The following CYP1A1 variants were observed in gnomAD, a reference collection of about 807,000 sequenced individuals.
CYP1A1 encodes the protein cytochrome P450 1A1.
Under a neutral mutation model 33.6 loss-of-function variants are expected in CYP1A1, and 43 were observed. That is an observed-to-expected ratio of 1.28 (90% confidence interval 1.00 to 1.65). The LOEUF (loss-of-function observed/expected upper bound fraction) is 1.65. Ranked by LOEUF, CYP1A1 falls within the 40% of genes most tolerant of loss-of-function variation. The pLI, the probability that CYP1A1 is intolerant of heterozygous loss-of-function variation, is 0.00. For synonymous variants in CYP1A1, 280 were observed against 257.8 expected (o/e 1.09, Z -0.83); for missense variants, 637 against 653.7 (o/e 0.97, Z 0.28).
intron 2 of CYP1A1, 187 bp from the exon 3 acceptor site, chr15:74,721,904 C>T (rs1203467883): frequency 2.9e-6 from 2 of 680,638 alleles, no homozygotes; most frequent in East Asian, 2.7e-5. Flanking sequence ...CTAGCCCCAA[C>T]TCATGGGACA....
Position 74,721,631 on chromosome 15 carries a change from A to G in CYP1A1, c.912T>C (p.Asp304=). 1 of 1,613,626 alleles carries G rather than the reference A, an allele frequency of 6.2e-7. No homozygotes were observed. The highest frequency in any genetic ancestry group is 8.5e-7 in the Non-Finnish European group (1 of 1,179,616). Residue 304 remains aspartate (D), a synonymous_variant, in exon 3 of 7, where the codon GAT becomes GAC. Transcript: ENST00000379727. ...LDENANVQLS[D]EKIINIVLDL... ...CCAAGACGATGTTAATGATCTTCTC[A>G]TCTGACAGCTGGACATTGGCGTTCT... is the stretch of plus-strand genomic sequence containing the variant.
Position 74,721,478 on chromosome 15 carries a change from G to C in CYP1A1, c.978C>G (p.Ile326Met). 6.2e-7 allele frequency: 1 copy of C among 1,614,202 alleles called. No individual in the cohort carries two copies. The highest frequency in any genetic ancestry group is 8.5e-7 in the Non-Finnish European group (1 of 1,180,032). The change falls in exon 4 of 7, where the codon ATC (isoleucine) becomes ATG (methionine). Residue 326 changes from isoleucine to methionine, a missense_variant. Coordinates refer to ENST00000379727, the MANE Select transcript of CYP1A1 (RefSeq NM_001319217.2). ...TCACCAAATACATGAGGCTCCAGGAGATAGCAGTTGTGACTGTGTCAAACC... is the reference window on the plus strand; with the variant it reads ...TCACCAAATACATGAGGCTCCAGGACATAGCAGTTGTGACTGTGTCAAACC... ...GAGFDTVTTA[I>M]SWSLMYLVMN... is the part of the protein sequence containing the mutation.
Position 74,722,752 on chromosome 15 carries a change from T to C in CYP1A1, c.346A>G (p.Ser116Gly). 6.2e-7 allele frequency: 1 copy of C among 1,613,606 alleles called. No homozygotes were observed. Among genetic ancestry groups the C allele is most frequent in the South Asian group, 1.1e-5 (1 of 91,072 alleles). The change falls in exon 2 of 7, where the codon AGT (serine) becomes GGT (glycine). Residue 116 changes from serine to glycine, a missense_variant. Ser to Gly is a moderately conservative substitution (Grantham distance 56). Transcript: ENST00000379727. ...CTGAAGGACATGCTCTGACCATTAC[T>C]GATGAGGGTGAAGGTGTAGAGGTCG... ...RPDLYTFTLI[S>G]NGQSMSFSPD...
intron 2 of CYP1A1, 100 bp from the exon 3 acceptor site, chr15:74,721,817 A>G: frequency 6.8e-7 from 1 of 1,470,868 alleles, no homozygotes; most frequent in Non-Finnish European, 9.2e-7. Flanking sequence ...TTTGTTCTGG[A>G]GGTGATGCCC....
chr15:74,725,207 G>A (rs1358582799), intron 1 of CYP1A1: 1 of 152,476 alleles, frequency 6.6e-6, no homozygotes, highest in Non-Finnish European at 1.5e-5. Flanking sequence ...TCCTGAATGA[G>A]ATGCCATCTG....
At chr15:74,725,108 C>T (rs929896661) in intron 1 of CYP1A1, 4 of 152,528 alleles carry the variant, frequency 2.6e-5, no homozygotes, top group Non-Finnish European at 4.4e-5. Context: ...TGCACATATT[C>T]CAGCCTGCCA....
intron 6 of CYP1A1, 83 bp downstream of exon 6, chr15:74,720,884 A>G: frequency 6.4e-7 from 1 of 1,564,552 alleles, no homozygotes; most frequent in East Asian, 2.2e-5. Context: ...CATGGACAGG[A>G]GGATCAATGC....
At chr15:74,720,857 A>T in intron 6 of CYP1A1, 83 bp from the exon 7 acceptor site, 1 of 1,565,796 alleles carries the variant, frequency 6.4e-7, no homozygotes, top group Non-Finnish European at 8.7e-7. Context: ...CAAAGGATAG[A>T]GGACAGGCAA....
rs1314957260 is a variant in CYP1A1 at position 74,721,613 on chromosome 15, G to A, written c.930C>T (p.Ile310=). The change falls in exon 3 of 7, where the codon ATC becomes ATT. Residue 310 remains isoleucine (I), a synonymous_variant. Transcript: ENST00000379727. ...VQLSDEKIIN[I]VLDLFGAGFD... is the part of the protein sequence containing the mutation. ...TACCAGCTCCAAAGAGGTCCAAGAC[G>A]ATGTTAATGATCTTCTCATCTGACA... 10 of 1,613,890 alleles carry A rather than the reference G, an allele frequency of 6.2e-6. No homozygotes were observed. In the Admixed American group the frequency reaches 1.2e-4, roughly 19 times the overall value.
rs750391986 is a variant in CYP1A1, at chr15:74,720,810, AG to A, written c.1254-37del. 3.8e-6 allele frequency: 6 copies of A among 1,585,932 alleles called. No individual in the cohort carries two copies. In the South Asian group the frequency reaches 5.9e-5, roughly 15 times the overall value. ...AGGGAGACAGCTGAAGTGGCAGTTC[AG>A]GGCTCAGAAGTGTCAAGTGAGTGGA... On this transcript the variant is annotated intron_variant, in intron 6 of 6. Transcript: ENST00000379727.
At chr15:74,721,894 C>T in intron 2 of CYP1A1, 177 bp from the exon 3 acceptor site, 1 of 716,824 alleles carries the variant, frequency 1.4e-6, no homozygotes, top group Non-Finnish European at 2.3e-6. Flanking sequence ...TAGAATGCTG[C>T]TAGCCCCAAC....
chr15:74,723,023 T>C lies in CYP1A1; in HGVS notation c.75A>G (p.Val25=), dbSNP rs548705429. ...ASVIFCLVFW[V]IRASRPQVPK... is the part of the protein sequence containing the mutation. ...GGACCTGAGGTCTTGAGGCCCTGAT[T>C]ACCCAGAATACCAGACAGAAGATGA... Residue 25 remains valine (V), a synonymous_variant, in exon 2 of 7, where the codon GTA becomes GTG. Transcript: ENST00000379727. The C allele has an allele frequency of 6.2e-6, 10 of 1,613,214 alleles. No individual in the cohort carries two copies. Among genetic ancestry groups the C allele is most frequent in the Non-Finnish European group, 8.5e-6 (10 of 1,179,500 alleles).
chr15:74,721,907 A>C, intron 2 of CYP1A1, 190 bp from the exon 3 acceptor site: 12 of 671,346 alleles, frequency 1.8e-5, no homozygotes, highest in Non-Finnish European at 2.7e-5. Flanking sequence ...GCCCCAACTC[A>C]TGGGACATTT....
chr15:74,719,982 T>C lies in CYP1A1; in HGVS notation c.*507A>G, dbSNP rs1402013486. Reference sequence around the variant, plus strand: ...TGTGTCCTAGACCCATAGGGTCAGATTGCTCAGCCTAGTTCAAGCAGTGAG... The same window carrying C: ...TGTGTCCTAGACCCATAGGGTCAGACTGCTCAGCCTAGTTCAAGCAGTGAG... On this transcript the variant is annotated 3_prime_UTR_variant, in exon 7 of 7. Coordinates refer to ENST00000379727, the MANE Select transcript of CYP1A1 (RefSeq NM_001319217.2). The C allele has an allele frequency of 6.6e-6, 1 of 152,602 alleles. No homozygotes were observed. The highest frequency in any genetic ancestry group is 2.4e-5 in the African/African-American group (1 of 41,472). The allele number at this position is 152,602 out of a possible 1,614,324, so 9.5% of individuals were successfully genotyped here.
rs755815189 is a variant in CYP1A1 at position 74,721,692 on chromosome 15, C to T, written c.851G>A (p.Ser284Asn). 28 of 1,613,984 alleles carry T rather than the reference C, an allele frequency of 1.7e-5. No individual in the cohort carries two copies. Among genetic ancestry groups the T allele is most frequent in the African/African-American group, 2.7e-5 (2 of 74,862 alleles). Residue 284 changes from serine (S) to asparagine (N), a missense_variant, in exon 3 of 7, where the codon AGC (serine) becomes AAC (asparagine). Coordinates refer to ENST00000379727, the MANE Select transcript of CYP1A1 (RefSeq NM_001319217.2). Reference protein sequence around the residue: ...EKGHIRDITDSLIEHCQEKQL... With the variant: ...EKGHIRDITDNLIEHCQEKQL... Reference sequence around the variant, plus strand: ...CTTCTCCTGACAGTGCTCAATCAGGCTGTCTGTGATGTCCCGGATGTGGCC... The same window carrying T: ...CTTCTCCTGACAGTGCTCAATCAGGTTGTCTGTGATGTCCCGGATGTGGCC...
Position 74,720,581 on chromosome 15 carries a change from G to T in CYP1A1, c.1447C>A (p.Pro483Thr), listed in dbSNP as rs45500996. The T allele has an allele frequency of 9.3e-6, 15 of 1,613,748 alleles. No homozygotes were observed. Among genetic ancestry groups the T allele is most frequent in the Non-Finnish European group, 1.3e-5 (15 of 1,179,816 alleles). The change falls in exon 7 of 7, where the codon CCA becomes ACA. Residue 483 changes from proline (P) to threonine (T), a missense_variant. Physicochemically the swap from Pro to Thr is conservative, Grantham distance 38. Coordinates refer to ENST00000379727, the MANE Select transcript of CYP1A1 (RefSeq NM_001319217.2). ...GTCATGTCCACCTTCACGCCCAGTG[G>T]CACGCTGAATTCCACCCGTTGCAGC... ...ILLQRVEFSV[P>T]LGVKVDMTPI...
rs1379298245 is a variant in CYP1A1 at position 74,720,673 on chromosome 15, A to G, written c.1355T>C (p.Met452Thr). 1.3e-5 allele frequency: 21 copies of G among 1,614,072 alleles called. No individual in the cohort carries two copies. The highest frequency in any genetic ancestry group is 1.5e-5 in the Non-Finnish European group (18 of 1,180,048). The part of the protein sequence containing the change: ...VLSEKVIIFG[M>T]GKRKCIGETI... ...CTCACCGATACACTTCCGCTTGCCC[A>G]TGCCAAAGATAATCACCTTCTCACT... The change falls in exon 7 of 7, where the codon ATG (methionine) becomes ACG (threonine). Residue 452 changes from methionine to threonine, a missense_variant. Transcript: ENST00000379727.
At position 74,719,565 on chromosome 15, in the gene CYP1A1, A is replaced by T. The variant is rs2063152272; in HGVS notation, c.*924T>A. 1 of 152,050 alleles carries T rather than the reference A, an allele frequency of 6.6e-6. No homozygotes were observed. The highest frequency in any genetic ancestry group is 1.5e-5 in the Non-Finnish European group (1 of 68,020). The allele number at this position is 152,050 out of a possible 1,614,324, so 9.4% of individuals were successfully genotyped here. On this transcript the variant is annotated 3_prime_UTR_variant, in exon 7 of 7. Transcript: ENST00000379727. Reference sequence around the variant, plus strand: ...TATAGGATTTCTGAACAATATCTTTATTTAGCTCAGGTAGTTGTTCTTACA... The same window carrying T: ...TATAGGATTTCTGAACAATATCTTTTTTTAGCTCAGGTAGTTGTTCTTACA...
rs373858916 is a variant in CYP1A1 at position 74,722,425 on chromosome 15, C to G, written c.673G>C (p.Gly225Arg). 1.9e-6 allele frequency: 3 copies of G among 1,613,808 alleles called. No homozygotes were observed. The highest frequency in any genetic ancestry group is 1.6e-4 in the Middle Eastern group (1 of 6,062). The change falls in exon 2 of 7, where the codon GGG becomes CGG. Residue 225 changes from glycine (G) to arginine (R), a missense_variant. Transcript: ENST00000379727. ...LSLVNLNNNF[G>R]EVVGSGNPAD... is the part of the protein sequence containing the mutation. The stretch of plus-strand genomic sequence containing the variant: ...GGGTTTCCAGAGCCAACCACCTCCC[C>G]GAAATTATTATTCAGGTTGACTAGG...
Sources: gnomAD v4.1 joint callset for allele counts on GRCh38, gnomAD v4.1.1 for gene constraint, MANE v1.5 for transcripts, NCBI Gene and HGNC (gene_info 2026-07-23, HGNC 2026-07-21) for gene names.